SDAD1: variants seen among roughly 807,000 people sequenced by gnomAD.
The protein encoded by SDAD1 is SDA1 domain containing 1, also known as protein SDA1 homolog.
In SDAD1, 79 loss-of-function variants were observed where a neutral mutation model predicts 100.3. The observed-to-expected ratio is 0.79, with a 90% CI of 0.66 to 0.95. The LOEUF (loss-of-function observed/expected upper bound fraction) is 0.95, where lower values mean the gene tolerates loss of function less well. Among genes scored for constraint, SDAD1 ranks in the 40% least tolerant of loss-of-function variants. The probability of loss-of-function intolerance (pLI) is 0.00; values close to 1 mark genes in which losing one functional copy is unlikely to be tolerated. For synonymous variants in SDAD1, 267 were observed against 271.4 expected, an observed-to-expected ratio of 0.98 and a Z score of 0.16; for missense variants, 790 against 810.9, an observed-to-expected ratio of 0.97 and a Z score of 0.31.
At chr4:75,988,582 C>CTA (rs1560560633) in intron 1 of SDAD1, among the ~76,000 whole-genome samples, 1 of 152,100 alleles carries the variant, frequency 6.6e-6, no homozygotes, top group East Asian at 1.9e-4. Context: ...ATTTAACATA[C>CTA]TATATTATTT....
At chr4:75,969,443 C>A in intron 10 of SDAD1, 44 bp from the exon 11 acceptor site, 1 of 1,312,118 alleles carries the variant, frequency 7.6e-7, no homozygotes, top group South Asian at 1.2e-5. Context: ...AGTCTATGGT[C>A]TATGTGACAT....
intron 12 of SDAD1, among the ~76,000 whole-genome samples, 173 bp from the exon 13 acceptor site, chr4:75,965,995 T>C (rs532498359): frequency 6.6e-6 from 1 of 152,232 alleles, no homozygotes; most frequent in South Asian, 2.1e-4. Context: ...TTCAGGTCCC[T>C]ACTCAATAGC....
intron 15 of SDAD1, 22 bp downstream of exon 15, chr4:75,961,189 T>C: frequency 1.9e-6 from 3 of 1,604,344 alleles, no homozygotes; most frequent in South Asian, 2.2e-5. Flanking sequence ...CTTTGGTGTG[T>C]AGAGAGTAAC....
chr4:75,974,246 C>T (rs1007436146), intron 6 of SDAD1, 113 bp from the exon 7 acceptor site: 3 of 829,710 alleles, frequency 3.6e-6, no homozygotes, highest in East Asian at 5.2e-5. Flanking sequence ...TACTAGAATT[C>T]CCAGTTGTAA....
intron 3 of SDAD1, among the ~76,000 whole-genome samples, chr4:75,978,188 C>CA (rs1248006677): frequency 6.6e-6 from 1 of 150,950 alleles, no homozygotes; most frequent in Admixed American, 6.6e-5. Flanking sequence ...GAAGTACCAT[C>CA]AGCACTAAGA....
intron 13 of SDAD1, among the ~76,000 whole-genome samples, chr4:75,965,519 T>A (rs1729487386): frequency 6.6e-6 from 1 of 152,196 alleles, no homozygotes; most frequent in Non-Finnish European, 1.5e-5. Flanking sequence ...TAATAAAACC[T>A]TGCTGGTTTG....
chr4:75,955,933 T>C, intron 21 of SDAD1, 42 bp downstream of exon 21: 1 of 1,556,886 alleles, frequency 6.4e-7, no homozygotes, highest in Non-Finnish European at 8.6e-7. Flanking sequence ...GTCTTGGAAT[T>C]ACAGTGCTGT....
chr4:75,990,007 GATAA>G (rs1346793736), intron 1 of SDAD1, among the ~76,000 whole-genome samples: 1 of 152,198 alleles, frequency 6.6e-6, no homozygotes, highest in African/African-American at 2.4e-5. Context: ...ATGCCCGTCT[GATAA>G]ATGAGTGTCT....
Position 75,969,299 on chromosome 4 carries a change from A to G in SDAD1, c.984T>C (p.His328=). Reference sequence around the variant, plus strand: ...AGAAACATAATATAATTCAAACCTCATGAATTCCCACCAATCTGGAGATAA... The same window carrying G: ...AGAAACATAATATAATTCAAACCTCGTGAATTCCCACCAATCTGGAGATAA... ...MNLISRLVGI[H]ELFLFNFYPF... is the part of the protein sequence containing the mutation. The change falls in exon 11 of 22, where the codon CAT becomes CAC. Residue 328 remains histidine (H), a synonymous_variant. Coordinates refer to ENST00000356260, the MANE Select transcript of SDAD1 (RefSeq NM_018115.4). The G allele has an allele frequency of 6.2e-7, 1 of 1,607,152 alleles. No homozygotes were observed. The highest frequency in any genetic ancestry group is 8.5e-7 in the Non-Finnish European group (1 of 1,174,004).
chr4:75,971,439 C>G lies in SDAD1; in HGVS notation c.731G>C (p.Arg244Thr). 3 of 1,613,254 alleles carry G rather than the reference C, an allele frequency of 1.9e-6. No homozygotes were observed. The highest frequency in any genetic ancestry group is 2.5e-6 in the Non-Finnish European group (3 of 1,179,590). Reference protein sequence around the residue: ...SESEDDGPTARDLLVQYATGK... With the variant: ...SESEDDGPTATDLLVQYATGK... ...TGTAGCATATTGTACTAGCAGGTCT[C>G]TTGCTGTTGGTCCATCATCCTAAAG... Residue 244 changes from arginine to threonine, a missense_variant, in exon 9 of 22, where the codon AGA (arginine) becomes ACA (threonine). Coordinates refer to ENST00000356260, the MANE Select transcript of SDAD1 (RefSeq NM_018115.4).
Position 75,971,623 on chromosome 4 carries a change from C to T in SDAD1, c.712-165G>A, listed in dbSNP as rs574433545. On this transcript the variant is annotated intron_variant, in intron 8 of 21. Coordinates refer to ENST00000356260, the MANE Select transcript of SDAD1 (RefSeq NM_018115.4). ...CAGTGGCTCACGTCTGTAATCCCAG[C>T]GCTTTGGGAGGCCAAGGTGGGTAGA... 3.4e-4 allele frequency among the ~76,000 whole-genome samples: 52 copies of T among 152,280 alleles called. No individual in the cohort carries two copies. In the South Asian group the frequency reaches 9.9e-3, roughly 29 times the overall value.
At chr4:75,983,870 T>C (rs1319654814) in intron 1 of SDAD1, among the ~76,000 whole-genome samples, 1 of 152,116 alleles carries the variant, frequency 6.6e-6, no homozygotes, top group Non-Finnish European at 1.5e-5. Context: ...CCCGGGCCTA[T>C]GTCCTGAATG....
At chr4:75,953,552 T>C (rs1450195525) in intron 21 of SDAD1, among the ~76,000 whole-genome samples, 1 of 152,206 alleles carries the variant, frequency 6.6e-6, no homozygotes, top group South Asian at 2.1e-4. Flanking sequence ...ACAGCTTCTA[T>C]TAAAAATGCC....
At chr4:75,955,017 T>C (rs1419275353) in intron 21 of SDAD1, among the ~76,000 whole-genome samples, 5 of 152,194 alleles carry the variant, frequency 3.3e-5, no homozygotes, top group African/African-American at 4.8e-5. Context: ...CCTGTTTCTA[T>C]TGATTGTTTA....
chr4:75,949,946 A>C lies in SDAD1; in HGVS notation c.*804T>G, dbSNP rs941884610. 4 of 152,576 alleles carry C rather than the reference A, an allele frequency of 2.6e-5. No homozygotes were observed. Among genetic ancestry groups the C allele is most frequent in the African/African-American group, 4.8e-5 (2 of 41,428 alleles). The allele number at this position is 152,576 out of a possible 1,614,324, so 9.5% of individuals were successfully genotyped here. On this transcript the variant is annotated 3_prime_UTR_variant, in exon 22 of 22. Transcript: ENST00000356260. Reference sequence around the variant, plus strand: ...GCATTAGAAACCTTTTATTGAGACAAGGTAAACAGTGGGCTGAAAATATTA... The same window carrying C: ...GCATTAGAAACCTTTTATTGAGACACGGTAAACAGTGGGCTGAAAATATTA...
intron 3 of SDAD1, among the ~76,000 whole-genome samples, chr4:75,980,177 G>A (rs542720195): frequency 9.9e-5 from 15 of 152,220 alleles, no homozygotes; most frequent in African/African-American, 3.4e-4. Context: ...TTAGACTAGG[G>A]GTTCAAGTTT....
At chr4:75,963,270 T>TACCATGCTGTTTTGGTACCAGC in intron 14 of SDAD1, among the ~76,000 whole-genome samples, 1 of 151,986 alleles carries the variant, frequency 6.6e-6, no homozygotes, top group Non-Finnish European at 1.5e-5. Context: ...TTGGTACCAG[T>TACCATGCTGTTTTGGTACCAGC]ACCATGCTGT....
intron 11 of SDAD1, among the ~76,000 whole-genome samples, chr4:75,968,324 CAT>C (rs111903583): frequency 1.2e-4 from 19 of 152,174 alleles, no homozygotes; most frequent in African/African-American, 1.4e-4. Flanking sequence ...TACTTTCACT[CAT>C]GTGTACTTTC....
intron 1 of SDAD1, among the ~76,000 whole-genome samples, chr4:75,989,949 A>C (rs1731141771): frequency 6.6e-6 from 1 of 152,244 alleles, no homozygotes; most frequent in Admixed American, 6.5e-5. Flanking sequence ...ATCTGGTAGA[A>C]GCACAAACAT....
Sources: allele counts gnomAD v4.1 joint callset (sites outside exome capture counted in the v4.1 genomes callset), GRCh38; gene constraint gnomAD v4.1.1; transcripts MANE v1.5; gene names NCBI Gene and HGNC (gene_info 2026-07-23, HGNC 2026-07-21).